Variants in TTN observed in about 807,000 individuals in gnomAD.
The protein encoded by TTN is connectin.
In TTN, 1,525 loss-of-function variants were observed where a neutral mutation model predicts 3,223.0. The observed-to-expected ratio is 0.47, with a 90% CI of 0.45 to 0.49. The LOEUF (loss-of-function observed/expected upper bound fraction) is 0.49. Ranked by LOEUF, TTN falls within the 20% of genes least tolerant of loss-of-function variation. TTN has a pLI of 0.00. For missense variants in TTN, 40,786 were observed against 43,424.0 expected, an observed-to-expected ratio of 0.94 and a Z score of 5.40; for synonymous variants, 14,094 against 15,161.0, an observed-to-expected ratio of 0.93 and a Z score of 5.17.
At position 178,717,552 on chromosome 2, in the gene TTN, G is replaced by A. The variant is rs2077677779; in HGVS notation, c.25322C>T (p.Ala8441Val). The change falls in exon 87 of 363, where the codon GCT (alanine) becomes GTT (valine). Residue 8441 changes from alanine to valine, a missense_variant. Coordinates refer to ENST00000589042, the MANE Select transcript of TTN (RefSeq NM_001267550.2). Reference protein sequence around the residue: ...NCSASNPLGTASSSAKLILSE... With the variant: ...NCSASNPLGTVSSSAKLILSE... ...GAGAATGAGCTTGGCACTGGATGAA[G>A]CAGTCCCAAGAGGATTAGAAGCAGA... 6.2e-7 allele frequency: 1 copy of A among 1,610,564 alleles called. No individual in the cohort carries two copies. Among genetic ancestry groups the A allele is most frequent in the South Asian group, 1.1e-5 (1 of 90,652 alleles).
Position 178,534,246 on chromosome 2 carries a change from C to T in TTN, c.102369G>A (p.Val34123=), listed in dbSNP as rs1575276903. 1.2e-6 allele frequency: 2 copies of T among 1,613,986 alleles called. No homozygotes were observed. Among genetic ancestry groups the T allele is most frequent in the Non-Finnish European group, 8.5e-7 (1 of 1,179,870 alleles). Residue 34123 remains valine (V), a synonymous_variant, in exon 358 of 363, where the codon GTG becomes GTA. Coordinates refer to ENST00000589042, the MANE Select transcript of TTN (RefSeq NM_001267550.2). ...CGGAIRSQKG[V]SVAKVKVASI... is the part of the protein sequence containing the mutation. Reference sequence around the variant, plus strand: ...ATGCCACTTTAACTTTAGCAACACTCACTCCCTTCTGAGATCGAATTGCAC... The same window carrying T: ...ATGCCACTTTAACTTTAGCAACACTTACTCCCTTCTGAGATCGAATTGCAC...
rs2049611289 is a variant in TTN at position 178,588,788 on chromosome 2, C to T, written c.62937G>A (p.Glu20979=). 2 of 1,613,154 alleles carry T rather than the reference C, an allele frequency of 1.2e-6. No homozygotes were observed. Among genetic ancestry groups the T allele is most frequent in the South Asian group, 1.1e-5 (1 of 91,054 alleles). Reference sequence around the variant, plus strand: ...CAGGTGGATTCCAAACCACAGTCATCTCTTCTTTGCTTACTTTAGTGACTT... The same window carrying T: ...CAGGTGGATTCCAAACCACAGTCATTTCTTCTTTGCTTACTTTAGTGACTT... ...PPEVTKVSKE[E]MTVVWNPPEY... is the part of the protein sequence containing the mutation. The change falls in exon 304 of 363, where the codon GAG becomes GAA. Residue 20979 remains glutamate, a synonymous_variant. Coordinates refer to ENST00000589042, the MANE Select transcript of TTN (RefSeq NM_001267550.2).
In TTN at chr2:178,581,700, C is replaced by G. The variant is rs757537780; in HGVS notation, c.66568G>C (p.Gly22190Arg). The G allele has an allele frequency of 1.4e-4, 227 of 1,611,812 alleles. 1 individual carries two copies. The highest frequency in any genetic ancestry group is 1.9e-4 in the Non-Finnish European group (219 of 1,178,952). The change falls in exon 316 of 363, where the codon GGT becomes CGT. Residue 22190 changes from glycine (G) to arginine (R), a missense_variant. Transcript: ENST00000589042. ...PAYDGGSPIIGYLVEVKRADS... is the reference protein window; with the variant it reads ...PAYDGGSPIIRYLVEVKRADS... ...GCCCGTTTTACTTCAACGAGATAACCAATGATAGGGCTGCCGCCGTCATAG... is the reference window on the plus strand; with the variant it reads ...GCCCGTTTTACTTCAACGAGATAACGAATGATAGGGCTGCCGCCGTCATAG...
rs1376550364 is a variant in TTN, at chr2:178,723,985, T to A, written c.21274A>T (p.Thr7092Ser). 1.2e-6 allele frequency: 2 copies of A among 1,613,458 alleles called. No homozygotes were observed. The highest frequency in any genetic ancestry group is 1.7e-6 in the Non-Finnish European group (2 of 1,179,630). Reference protein sequence around the residue: ...TKIVSGAKYQTTFSDNVCTLQ... With the variant: ...TKIVSGAKYQSTFSDNVCTLQ... ...GTGCAGACATTATCTGAAAATGTGGTTTGGTACTTTGCTCCACTGACAATC... is the reference window on the plus strand; with the variant it reads ...GTGCAGACATTATCTGAAAATGTGGATTGGTACTTTGCTCCACTGACAATC... Residue 7092 changes from threonine (T) to serine (S), a missense_variant, in exon 73 of 363, where the codon ACC (threonine) becomes TCC (serine). Thr to Ser is a moderately conservative substitution (Grantham distance 58, BLOSUM62 1). Coordinates refer to ENST00000589042, the MANE Select transcript of TTN (RefSeq NM_001267550.2).
At chr2:178,669,817 C>G in intron 157 of TTN, 142 bp from the exon 158 acceptor site, 1 of 788,556 alleles carries the variant, frequency 1.3e-6, no homozygotes, top group Non-Finnish European at 2.1e-6. Flanking sequence ...GTAGTCATTG[C>G]ATTTCTCTGA....
At position 178,770,694 on chromosome 2, in the gene TTN, T is replaced by C. The variant is rs770975209; in HGVS notation, c.8117-19A>G. 2.5e-6 allele frequency: 4 copies of C among 1,606,810 alleles called. No individual in the cohort carries two copies. In the South Asian group the frequency reaches 3.3e-5, roughly 13 times the overall value. Reference sequence around the variant, plus strand: ...TTGACAGCTAAAGACAAATTTATGATTGGGTTAGAAAATATAGATGACATC... The same window carrying C: ...TTGACAGCTAAAGACAAATTTATGACTGGGTTAGAAAATATAGATGACATC... On this transcript the variant is annotated intron_variant, in intron 34 of 362. Coordinates refer to ENST00000589042, the MANE Select transcript of TTN (RefSeq NM_001267550.2).
chr2:178,542,114 AGAAAAGGAGGTTTAGAAACCT>A, intron 349 of TTN, 129 bp downstream of exon 349: 1 of 774,758 alleles, frequency 1.3e-6, no homozygotes, highest in Non-Finnish European at 1.9e-6. Flanking sequence ...TAGAAACCTG[AGAAAAGGAGGTTTAGAAACCT>A]TAGAAAGACC....
In TTN at chr2:178,804,626, G is replaced by A. The variant is rs201490999; in HGVS notation, c.17C>T (p.Pro6Leu). The A allele has an allele frequency of 3.5e-5, 57 of 1,613,706 alleles. No individual in the cohort carries two copies. The highest frequency in any genetic ancestry group is 4.4e-5 in the Non-Finnish European group (52 of 1,179,894). ...GCTTTGTAACGGCTGCGTAAACGTC[G>A]GTGCTTGAGTTGTCATCTTTCTAGG... Reference protein sequence around the residue: MTTQAPTFTQPLQSVV... With the variant: MTTQALTFTQPLQSVV... The change falls in exon 2 of 363, where the codon CCG (proline) becomes CTG (leucine). Residue 6 changes from proline (P) to leucine (L), a missense_variant. Physicochemically the swap from Pro to Leu is moderately conservative, Grantham distance 98 (BLOSUM62 -3). Coordinates refer to ENST00000589042, the MANE Select transcript of TTN (RefSeq NM_001267550.2).
intron 49 of TTN, among the ~76,000 whole-genome samples, chr2:178,736,783 T>C (rs1029145780): frequency 6.6e-6 from 1 of 152,286 alleles, no homozygotes. Context: ...ATGAATAATA[T>C]CATGTACTTG....
In TTN at chr2:178,723,750, C is replaced by T. The variant is rs531534725; in HGVS notation, c.21404-54G>A. 6.5e-6 allele frequency: 10 copies of T among 1,527,824 alleles called. No individual in the cohort carries two copies. In the East Asian group the frequency reaches 2.3e-4, roughly 35 times the overall value. 94.6% of individuals were successfully genotyped at this position (1,527,824 alleles called of 1,614,324 possible). A position where few individuals can be genotyped will look rare whatever the true frequency, so the allele number is the denominator to read the frequency against. ...ATCCTGTAAGCTTCAGATGGAGTTGCAATTTTGAATAAAACATTAGAGCAC... is the reference window on the plus strand; with the variant it reads ...ATCCTGTAAGCTTCAGATGGAGTTGTAATTTTGAATAAAACATTAGAGCAC... On this transcript the variant is annotated intron_variant, in intron 73 of 362. Coordinates refer to ENST00000589042, the MANE Select transcript of TTN (RefSeq NM_001267550.2).
chr2:178,566,900 T>C lies in TTN; in HGVS notation c.79232A>G (p.Asp26411Gly). ...AATAATCTCACTTCCACCATCACTA[T>C]CTGGACGGTTCCAACAGACGGTCAT... ...DSMTVCWNRP[D>G]SDGGSEIIGY... Residue 26411 changes from aspartate to glycine, a missense_variant, in exon 326 of 363, where the codon GAT (aspartate) becomes GGT (glycine). Transcript: ENST00000589042. 1 of 1,613,584 alleles carries C rather than the reference T, an allele frequency of 6.2e-7. No homozygotes were observed. Among genetic ancestry groups the C allele is most frequent in the Non-Finnish European group, 8.5e-7 (1 of 1,179,660 alleles).
intron 47 of TTN, chr2:178,750,560 A>G: frequency 6.2e-7 from 1 of 1,612,534 alleles, no homozygotes; most frequent in Non-Finnish European, 8.5e-7. Context: ...AATTTCTTGA[A>G]GAAATGAAGG....
chr2:178,557,906 T>A lies in TTN; in HGVS notation c.87448A>T (p.Ile29150Leu), dbSNP rs189030321. Reference protein sequence around the residue: ...PPTGPVVISDITEESVTLKWE... With the variant: ...PPTGPVVISDLTEESVTLKWE... ...TTGAGAGTCACACTTTCTTCAGTTA[T>A]ATCACTAATAACAACAGGGCCAGTT... Residue 29150 changes from isoleucine (I) to leucine (L), a missense_variant, in exon 328 of 363, where the codon ATA (isoleucine) becomes TTA (leucine). Transcript: ENST00000589042. 4.5e-5 allele frequency: 73 copies of A among 1,613,584 alleles called. No homozygotes were observed. The Admixed American group carries it at 7.0e-4, about 15-fold the overall frequency.
rs765109515 is a variant in TTN, at chr2:178,707,631, C to T, written c.28936G>A (p.Val9646Ile). 1.2e-6 allele frequency: 2 copies of T among 1,613,884 alleles called. No homozygotes were observed. The highest frequency in any genetic ancestry group is 1.3e-5 in the African/African-American group (1 of 75,044). The change falls in exon 100 of 363, where the codon GTA becomes ATA. Residue 9646 changes from valine to isoleucine, a missense_variant. By Grantham distance (29) the Val-to-Ile change is conservative. Transcript: ENST00000589042. ...TTAGCCACATCTCTGAGTTCCAGTA[C>T]AGCTGTCCCACTAGCAAAGCTGAAG... ...CSFSFASGTA[V>I]LELRDVAKAD...
intron 127 of TTN, among the ~76,000 whole-genome samples, chr2:178,686,297 T>G (rs2070888564): frequency 2.0e-5 from 3 of 150,276 alleles, no homozygotes; most frequent in Non-Finnish European, 3.0e-5. Context: ...ATTTTTTGTA[T>G]TTTTAGTAGA....
intron 356 of TTN, 82 bp from the exon 357 acceptor site, chr2:178,536,657 T>C: frequency 1.7e-6 from 2 of 1,207,682 alleles, no homozygotes; most frequent in Non-Finnish European, 2.2e-6. Flanking sequence ...AAGAATGTTA[T>C]ATGAGTCCAA....
In TTN at chr2:178,773,801, A is replaced by G. The variant is rs925594827; in HGVS notation, c.7330+37T>C. 6 of 1,613,914 alleles carry G rather than the reference A, an allele frequency of 3.7e-6. No individual in the cohort carries two copies. In the Admixed American group the frequency reaches 6.7e-5, roughly 18 times the overall value. On this transcript the variant is annotated intron_variant, in intron 31 of 362. Transcript: ENST00000589042. ...CTCCTTGAAGTTCTTTATGTTGCTTAATAGTGTAAACATAAAATTTTATAA... is the reference window on the plus strand; with the variant it reads ...CTCCTTGAAGTTCTTTATGTTGCTTGATAGTGTAAACATAAAATTTTATAA...
rs192552179 is a variant in TTN at position 178,707,488 on chromosome 2, C to T, written c.29041+38G>A. ...ATAAGCAAATAAACATGAGTGGTTG[C>T]TGGCTTGAGCTGCATAATACTTTTG... On this transcript the variant is annotated intron_variant, in intron 100 of 362. Coordinates refer to ENST00000589042, the MANE Select transcript of TTN (RefSeq NM_001267550.2). 2.3e-5 allele frequency: 36 copies of T among 1,547,936 alleles called. No homozygotes were observed. In the East Asian group the frequency reaches 7.6e-4, roughly 32 times the overall value.
At chr2:178,684,640 T>C in intron 131 of TTN, 26 bp downstream of exon 131, 1 of 1,596,612 alleles carries the variant, frequency 6.3e-7, no homozygotes, top group Non-Finnish European at 8.5e-7. Context: ...ATGTTCCTAG[T>C]TTTTCTGCTG....
Sources: gnomAD v4.1 joint callset for allele counts (sites outside exome capture counted in the v4.1 genomes callset) on GRCh38, gnomAD v4.1.1 for gene constraint, MANE v1.5 for transcripts, NCBI Gene and HGNC (gene_info 2026-07-23, HGNC 2026-07-21) for gene names.